HTR7: variants seen among roughly 807,000 people sequenced by gnomAD.
HTR7 encodes 5-HT-7.
A neutral mutation model predicts 34.0 loss-of-function variants in HTR7; 16 were observed. That is an observed-to-expected ratio of 0.47 (90% CI 0.32 to 0.71). The LOEUF (loss-of-function observed/expected upper bound fraction) is 0.71. Ranked by LOEUF, HTR7 falls within the 30% of genes least tolerant of loss-of-function variation. The pLI is 0.04. For missense variants in HTR7, 504 were observed against 625.5 expected (o/e 0.81, Z 2.07); for synonymous variants, 265 against 260.2 (o/e 1.02, Z -0.18).
chr10:90,771,206 G>T (rs565591842), intron 1 of HTR7, among the ~76,000 whole-genome samples: 6 of 152,302 alleles, frequency 3.9e-5, no homozygotes, highest in Non-Finnish European at 8.8e-5. Context: ...GGGACACCCT[G>T]GCCTTAGAAA....
intron 1 of HTR7, among the ~76,000 whole-genome samples, chr10:90,806,652 TA>T (rs1845711942): frequency 6.6e-6 from 1 of 151,748 alleles, no homozygotes; most frequent in African/African-American, 2.4e-5. Flanking sequence ...AAAAAGTTCC[TA>T]AAGGTAAAAG....
chr10:90,787,871 T>A (rs1845404423), intron 1 of HTR7, among the ~76,000 whole-genome samples: 1 of 151,898 alleles, frequency 6.6e-6, no homozygotes, highest in South Asian at 2.1e-4. Context: ...CTGCCTCTCT[T>A]ATGACCTCTT....
intron 1 of HTR7, among the ~76,000 whole-genome samples, chr10:90,818,195 C>T (rs1441198331): frequency 1.3e-5 from 2 of 152,158 alleles, no homozygotes. Context: ...AGGGCCCTGC[C>T]TTTATTAACG....
intron 1 of HTR7, among the ~76,000 whole-genome samples, chr10:90,802,766 T>C (rs917243145): frequency 4.6e-5 from 7 of 152,240 alleles, no homozygotes; most frequent in African/African-American, 1.7e-4. Context: ...CTTTGTAGTC[T>C]GGTAGTTAAA....
At chr10:90,823,596 T>A (rs1487544695) in intron 1 of HTR7, among the ~76,000 whole-genome samples, 1 of 152,188 alleles carries the variant, frequency 6.6e-6, no homozygotes, top group Non-Finnish European at 1.5e-5. Flanking sequence ...GAGTTAAGAC[T>A]CTGGGGGACT....
chr10:90,809,975 A>G (rs972573887), intron 1 of HTR7, among the ~76,000 whole-genome samples: 4 of 152,148 alleles, frequency 2.6e-5, no homozygotes, highest in Admixed American at 2.6e-4. Flanking sequence ...AGTGGAAGGT[A>G]AGTCCGTCCC....
At chr10:90,807,933 T>C (rs1182319336) in intron 1 of HTR7, among the ~76,000 whole-genome samples, 1 of 152,202 alleles carries the variant, frequency 6.6e-6, no homozygotes, top group Non-Finnish European at 1.5e-5. Flanking sequence ...TCACTATCCC[T>C]CAACCACTTT....
rs982900918 is a variant in HTR7, at chr10:90,744,073, C to T, written c.1296-383G>A. The T allele has an allele frequency of 1.3e-4, 50 of 375,880 alleles. 1 individual carries two copies. The Admixed American group carries it at 1.4e-3, about 11-fold the overall frequency. 23.3% of individuals were successfully genotyped at this position (375,880 alleles called of 1,614,324 possible). ...GTAGAGCCAAGAAGGCAGAGCAAGG[C>T]GAAAAGGTAAGAGAGACTAGAAGCC... On this transcript the variant is annotated intron_variant, in intron 2 of 3. Transcript: ENST00000336152.
chr10:90,772,793 C>T (rs987766813), intron 1 of HTR7, among the ~76,000 whole-genome samples: 8 of 152,194 alleles, frequency 5.3e-5, no homozygotes, highest in African/African-American at 1.9e-4. Context: ...TACTAGCTAA[C>T]TGAGCATATG....
chr10:90,791,792 T>C (rs980348998), intron 1 of HTR7, among the ~76,000 whole-genome samples: 9 of 152,156 alleles, frequency 5.9e-5, no homozygotes, highest in Admixed American at 4.6e-4. Flanking sequence ...TCATCTTTCT[T>C]AACAATTTCT....
At chr10:90,743,468 C>T in intron 3 of HTR7, 125 bp downstream of exon 3, 1 of 777,658 alleles carries the variant, frequency 1.3e-6, no homozygotes, top group Non-Finnish European at 2.2e-6. Flanking sequence ...GGGCCACTGT[C>T]TCTTCCCAGC....
In HTR7 at chr10:90,857,982, G is replaced by C. The variant is rs1345560926; in HGVS notation, c.-311C>G. Reference sequence around the variant, plus strand: ...TCCGCTGGCAGCTCCACAGTTCGCAGCAGCAGCTCGGCTGCGCCGAGAGCG... The same window carrying C: ...TCCGCTGGCAGCTCCACAGTTCGCACCAGCAGCTCGGCTGCGCCGAGAGCG... On this transcript the variant is annotated 5_prime_UTR_variant, in exon 1 of 4. Transcript: ENST00000336152. This position sits in a 1 kb window ranked among gnomAD's most constrained non-coding sequence, Gnocchi z 6.5. Among the ~76,000 whole-genome samples, 27 of 150,902 alleles carry C rather than the reference G, an allele frequency of 1.8e-4. No individual in the cohort carries two copies. Among genetic ancestry groups the C allele is most frequent in the Admixed American group, 1.8e-3 (27 of 15,152 alleles).
At position 90,809,288 on chromosome 10, in the gene HTR7, C is replaced by A. The variant is rs368903867; in HGVS notation, c.539+47845G>T. On this transcript the variant is annotated intron_variant, in intron 1 of 3. Transcript: ENST00000336152. Reference sequence around the variant, plus strand: ...AGGTGGCTGGAGCTAAAGACATAGTCAAGGTTAATGCTCCTTTTTCTTTAT... The same window carrying A: ...AGGTGGCTGGAGCTAAAGACATAGTAAAGGTTAATGCTCCTTTTTCTTTAT... Among the ~76,000 whole-genome samples the A allele has an allele frequency of 3.3e-5, 5 of 152,290 alleles. No homozygotes were observed. In the East Asian group the frequency reaches 5.8e-4, roughly 18 times the overall value.
intron 1 of HTR7, among the ~76,000 whole-genome samples, chr10:90,851,695 T>A (rs544231468): frequency 1.3e-5 from 2 of 148,646 alleles, no homozygotes; most frequent in Admixed American, 6.7e-5. Context: ...TAGCAAACCC[T>A]CAGTAATATG....
intron 1 of HTR7, among the ~76,000 whole-genome samples, chr10:90,849,073 A>C (rs1846455535): frequency 6.6e-6 from 1 of 152,248 alleles, no homozygotes; most frequent in African/African-American, 2.4e-5. Context: ...TCATTCTACT[A>C]CTGACACACA....
At chr10:90,851,950 G>A (rs1225697178) in intron 1 of HTR7, among the ~76,000 whole-genome samples, 2 of 152,130 alleles carry the variant, frequency 1.3e-5, no homozygotes, top group Admixed American at 6.5e-5. Flanking sequence ...ATGATTGTGA[G>A]GCCTCTCCAG....
intron 1 of HTR7, among the ~76,000 whole-genome samples, chr10:90,807,451 C>T (rs1231857323): frequency 6.6e-6 from 1 of 152,124 alleles, no homozygotes; most frequent in African/African-American, 2.4e-5. Context: ...ATGGCCTGTT[C>T]CTGCCTTAAC....
At chr10:90,803,586 C>T (rs553398030) in intron 1 of HTR7, among the ~76,000 whole-genome samples, 284 of 152,234 alleles carry the variant, frequency 1.9e-3, no homozygotes, top group Non-Finnish European at 3.2e-3. Flanking sequence ...ATCGGGAGAC[C>T]GCCTTTTCCT....
intron 1 of HTR7, among the ~76,000 whole-genome samples, chr10:90,799,313 C>A (rs940112753): frequency 1.3e-5 from 2 of 151,562 alleles, no homozygotes; most frequent in African/African-American, 4.9e-5. Flanking sequence ...TAATAAAACT[C>A]ATGTTTCCCG....
Sources: allele counts gnomAD v4.1 joint callset (sites outside exome capture counted in the v4.1 genomes callset), GRCh38; gene constraint gnomAD v4.1.1; non-coding constraint Gnocchi (gnomAD v3.1); transcripts MANE v1.5; gene names NCBI Gene and HGNC (gene_info 2026-07-23, HGNC 2026-07-21).